FNBP1L: variants seen among roughly 807,000 people sequenced by gnomAD.
The protein encoded by FNBP1L is formin binding protein 1 like, also known as formin-binding protein 1-like.
Under a neutral mutation model 91.2 loss-of-function variants are expected in FNBP1L, and 36 were observed. The observed-to-expected ratio is 0.39, with a 90% CI of 0.30 to 0.52. FNBP1L has a LOEUF of 0.52. Ranked by LOEUF, FNBP1L falls within the 20% of genes least tolerant of loss-of-function variation. The probability of loss-of-function intolerance (pLI) is 0.66; values close to 1 mark genes in which losing one functional copy is unlikely to be tolerated. For synonymous variants in FNBP1L, 242 were observed against 237.0 expected (o/e 1.02, Z -0.19); for missense variants, 571 against 732.1 (o/e 0.78, Z 2.54).
intron 6 of FNBP1L, among the ~76,000 whole-genome samples, chr1:93,530,532 T>A (rs562130893): frequency 2.0e-4 from 30 of 152,246 alleles, no homozygotes; most frequent in African/African-American, 7.2e-4. Flanking sequence ...GGAAGAATAT[T>A]GTAATAAGGA....
At chr1:93,551,429 A>G in intron 16 of FNBP1L, 1 of 1,010,670 alleles carries the variant, frequency 9.9e-7, no homozygotes, top group Non-Finnish European at 1.2e-6. Context: ...ATTGGGCAGG[A>G]ATTCATGGAT....
chr1:93,516,156 A>C (rs941971269), intron 2 of FNBP1L, among the ~76,000 whole-genome samples: 7 of 152,046 alleles, frequency 4.6e-5, no homozygotes, highest in Non-Finnish European at 1.0e-4. Flanking sequence ...ATTACCACAG[A>C]GCATTGTGGG....
At chr1:93,504,849 T>G (rs1557796670) in intron 2 of FNBP1L, among the ~76,000 whole-genome samples, 1 of 152,186 alleles carries the variant, frequency 6.6e-6, no homozygotes, top group Non-Finnish European at 1.5e-5. Flanking sequence ...GCCAGATATA[T>G]GATTTGCACA....
chr1:93,497,724 A>G (rs1025161447), intron 1 of FNBP1L, among the ~76,000 whole-genome samples: 5 of 152,110 alleles, frequency 3.3e-5, no homozygotes, highest in Admixed American at 6.5e-5. Context: ...GGTTCAAGCA[A>G]TTCTCCTGCC....
At chr1:93,530,188 C>T (rs1671627441) in intron 6 of FNBP1L, among the ~76,000 whole-genome samples, 1 of 152,030 alleles carries the variant, frequency 6.6e-6, no homozygotes, top group South Asian at 2.1e-4. Context: ...GAACTGTATT[C>T]TAAATAAGCA....
At chr1:93,524,529 C>T (rs1429033985) in intron 5 of FNBP1L, among the ~76,000 whole-genome samples, 2 of 144,540 alleles carry the variant, frequency 1.4e-5, no homozygotes, top group African/African-American at 5.1e-5. Flanking sequence ...CTTTATAACT[C>T]TATACTTAAG....
At chr1:93,529,525 T>C in intron 5 of FNBP1L, 127 bp from the exon 6 acceptor site, 1 of 536,328 alleles carries the variant, frequency 1.9e-6, no homozygotes, top group Non-Finnish European at 3.3e-6. Context: ...TGTTCCATGG[T>C]GGTTTGCTGC....
intron 2 of FNBP1L, among the ~76,000 whole-genome samples, chr1:93,518,829 C>G (rs1671221829): frequency 6.6e-6 from 1 of 152,174 alleles, no homozygotes; most frequent in Non-Finnish European, 1.5e-5. Flanking sequence ...TTTTCATCAT[C>G]CCAAAAAGAA....
At chr1:93,463,853 T>G (rs1668982174) in intron 1 of FNBP1L, among the ~76,000 whole-genome samples, 1 of 152,250 alleles carries the variant, frequency 6.6e-6, no homozygotes, top group African/African-American at 2.4e-5. Flanking sequence ...CAGATTCTCC[T>G]ATCACATTTT....
chr1:93,551,129 A>G, intron 16 of FNBP1L, 24 bp downstream of exon 16: 15 of 1,580,058 alleles, frequency 9.5e-6, no homozygotes, highest in Non-Finnish European at 1.3e-5. Context: ...TATCTAAACT[A>G]ACCAGGCACC....
intron 1 of FNBP1L, among the ~76,000 whole-genome samples, chr1:93,460,164 C>T (rs1668814412): frequency 6.6e-6 from 1 of 152,110 alleles, no homozygotes; most frequent in Non-Finnish European, 1.5e-5. Context: ...AGCAGTGGGG[C>T]CTTTAAGAAG....
rs1235722318 is a variant in FNBP1L, at chr1:93,533,711, A to G, written c.786+643A>G. On this transcript the variant is annotated intron_variant, in intron 8 of 16. Coordinates refer to ENST00000271234, the MANE Select transcript of FNBP1L (RefSeq NM_001164473.3). ...TTTAGTCTTCATGAACCTATCAAGT[A>G]GATATTATATTAGTGAGGATCCTTT... Among the ~76,000 whole-genome samples the G allele has an allele frequency of 2.6e-5, 4 of 152,188 alleles. No homozygotes were observed. In the East Asian group the frequency reaches 7.7e-4, roughly 29 times the overall value.
At chr1:93,448,879 C>T (rs893678439) in intron 1 of FNBP1L, among the ~76,000 whole-genome samples, 62 of 152,284 alleles carry the variant, frequency 4.1e-4, no homozygotes, top group African/African-American at 1.5e-3. Flanking sequence ...TCGGGCCAGC[C>T]AGGCCCAGCC....
At chr1:93,506,673 G>T (rs2101731601) in intron 2 of FNBP1L, among the ~76,000 whole-genome samples, 1 of 152,248 alleles carries the variant, frequency 6.6e-6, no homozygotes, top group East Asian at 1.9e-4. Flanking sequence ...ATATTGAAAG[G>T]TTGAAAATGT....
At chr1:93,528,899 CA>C (rs1307539985) in intron 5 of FNBP1L, among the ~76,000 whole-genome samples, 12 of 151,996 alleles carry the variant, frequency 7.9e-5, no homozygotes, top group South Asian at 2.1e-4. Flanking sequence ...TCCAGAATAT[CA>C]AAAAATTATG....
At chr1:93,501,664 TCAAA>T (rs1670443318) in intron 2 of FNBP1L, among the ~76,000 whole-genome samples, 1 of 151,922 alleles carries the variant, frequency 6.6e-6, no homozygotes, top group Admixed American at 6.6e-5. Context: ...TTGGTTGGGG[TCAAA>T]CAAACCATAT....
intron 14 of FNBP1L, among the ~76,000 whole-genome samples, chr1:93,547,740 T>C (rs1365342429): frequency 6.6e-6 from 1 of 152,072 alleles, no homozygotes; most frequent in Non-Finnish European, 1.5e-5. Context: ...TTCCTAAGGT[T>C]CAAGTGGAAT....
intron 1 of FNBP1L, among the ~76,000 whole-genome samples, chr1:93,496,946 C>T (rs1670282388): frequency 6.6e-6 from 1 of 152,168 alleles, no homozygotes. Flanking sequence ...TTAATCATCA[C>T]AATTAGTTTC....
At chr1:93,516,747 A>G (rs951144704) in intron 2 of FNBP1L, among the ~76,000 whole-genome samples, 5 of 152,198 alleles carry the variant, frequency 3.3e-5, no homozygotes, top group African/African-American at 1.2e-4. Flanking sequence ...CTTTGAAACT[A>G]CTCACTCTAT....
Sources: gnomAD v4.1 joint callset for allele counts (sites outside exome capture counted in the v4.1 genomes callset) on GRCh38, gnomAD v4.1.1 for gene constraint, MANE v1.5 for transcripts, NCBI Gene and HGNC (gene_info 2026-07-23, HGNC 2026-07-21) for gene names.